The following PGM2L1 variants were observed in gnomAD, a reference collection of about 807,000 sequenced individuals.
PGM2L1 encodes glucose 1,6-bisphosphate synthase.
Under a neutral mutation model 73.4 loss-of-function variants are expected in PGM2L1, and 35 were observed. The ratio of observed to expected loss-of-function variants is 0.48; its 90% CI spans 0.36 to 0.63. PGM2L1 has a LOEUF of 0.63. PGM2L1 is among the 30% of genes least tolerant of loss of function. The probability of loss-of-function intolerance (pLI) is 0.00; values close to 1 mark genes in which losing one functional copy is unlikely to be tolerated. For missense variants in PGM2L1, 570 were observed against 742.0 expected, an observed-to-expected ratio of 0.77 and a Z score of 2.69; for synonymous variants, 225 against 253.8, an observed-to-expected ratio of 0.89 and a Z score of 1.08.
At chr11:74,347,717 A>G (rs1250269710) in intron 6 of PGM2L1, among the ~76,000 whole-genome samples, 2 of 152,166 alleles carry the variant, frequency 1.3e-5, no homozygotes, top group African/African-American at 4.8e-5. Flanking sequence ...TAGATTGCAA[A>G]GTACCTAATT....
intron 1 of PGM2L1, among the ~76,000 whole-genome samples, chr11:74,383,879 T>C (rs1862985243): frequency 6.8e-6 from 1 of 146,272 alleles, no homozygotes; most frequent in African/African-American, 2.6e-5. Context: ...CGATGGGTAT[T>C]TGGGTTGATT....
chr11:74,350,914 AG>A (rs1839916188), intron 6 of PGM2L1, among the ~76,000 whole-genome samples: 4 of 144,758 alleles, frequency 2.8e-5, no homozygotes, highest in African/African-American at 8.6e-5. Context: ...AGAGAGAGAG[AG>A]AGAAAGAGAG....
intron 4 of PGM2L1, among the ~76,000 whole-genome samples, chr11:74,369,272 A>T (rs1862713010): frequency 6.6e-6 from 1 of 152,232 alleles, no homozygotes; most frequent in Non-Finnish European, 1.5e-5. Flanking sequence ...TAATAGACCC[A>T]CATGACAGTG....
intron 1 of PGM2L1, among the ~76,000 whole-genome samples, chr11:74,385,110 C>A (rs1326156738): frequency 6.6e-6 from 1 of 152,188 alleles, no homozygotes; most frequent in Non-Finnish European, 1.5e-5. Context: ...TAAATAACAC[C>A]TTCAAACAGA....
intron 10 of PGM2L1, 139 bp from the exon 11 acceptor site, chr11:74,343,153 G>A (rs1330884728): frequency 3.0e-6 from 4 of 1,327,474 alleles, no homozygotes; most frequent in African/African-American, 3.0e-5. Flanking sequence ...GTATTTAGGG[G>A]ACACTTTCGT....
intron 1 of PGM2L1, among the ~76,000 whole-genome samples, chr11:74,384,660 T>C (rs919236731): frequency 6.6e-6 from 1 of 151,946 alleles, no homozygotes; most frequent in African/African-American, 2.4e-5. Flanking sequence ...AGGAAACTTG[T>C]TGTTGTTGTT....
chr11:74,370,566 TACACACACAC>T (rs199915083), intron 4 of PGM2L1, among the ~76,000 whole-genome samples: 1 of 151,706 alleles, frequency 6.6e-6, no homozygotes, highest in East Asian at 1.9e-4. Context: ...TTTACACACA[TACACACACAC>T]ACACCCAGAT....
chr11:74,361,684 A>G (rs887765083), intron 5 of PGM2L1, among the ~76,000 whole-genome samples: 12 of 152,198 alleles, frequency 7.9e-5, no homozygotes, highest in Admixed American at 7.9e-4. Flanking sequence ...TAGAATAACC[A>G]GGGTAGAGAA....
At chr11:74,351,682 GC>G in intron 5 of PGM2L1, 106 bp from the exon 6 acceptor site, 1 of 1,038,690 alleles carries the variant, frequency 9.6e-7, no homozygotes, top group Non-Finnish European at 1.4e-6. Context: ...TCAAATTGAG[GC>G]CAGGCACGGT....
chr11:74,361,638 TA>T (rs1470679310), intron 5 of PGM2L1, among the ~76,000 whole-genome samples: 6 of 152,026 alleles, frequency 3.9e-5, no homozygotes, highest in Non-Finnish European at 7.4e-5. Flanking sequence ...AAAAAGAAGC[TA>T]AAAACCTTGA....
chr11:74,369,530 A>G (rs1049720859), intron 4 of PGM2L1, among the ~76,000 whole-genome samples: 1 of 152,208 alleles, frequency 6.6e-6, no homozygotes, highest in Non-Finnish European at 1.5e-5. Flanking sequence ...AAGATGTCCC[A>G]GAGGAAGTGA....
chr11:74,346,337 T>C (rs1862266497), intron 8 of PGM2L1, among the ~76,000 whole-genome samples: 1 of 130,118 alleles, frequency 7.7e-6, no homozygotes, highest in Non-Finnish European at 1.6e-5. Context: ...AACTACATCA[T>C]AAAGCGATCT....
chr11:74,371,684 T>G, intron 3 of PGM2L1, 27 bp downstream of exon 3: 1 of 1,572,782 alleles, frequency 6.4e-7, no homozygotes, highest in East Asian at 2.2e-5. Context: ...TATTTCAACT[T>G]AATCTTTGAA....
intron 4 of PGM2L1, among the ~76,000 whole-genome samples, chr11:74,370,693 T>C (rs1862738209): frequency 6.6e-6 from 1 of 152,268 alleles, no homozygotes; most frequent in Non-Finnish European, 1.5e-5. Context: ...ACTGTAGACT[T>C]GTCAACTTTT....
intron 6 of PGM2L1, among the ~76,000 whole-genome samples, chr11:74,350,605 G>A (rs1862334303): frequency 6.6e-6 from 1 of 152,118 alleles, no homozygotes; most frequent in African/African-American, 2.4e-5. Flanking sequence ...GGCTGGGCAT[G>A]GTGGCTCACA....
Position 74,380,084 on chromosome 11 carries a change from T to G in PGM2L1, c.112-5502A>C, listed in dbSNP as rs375405118. On this transcript the variant is annotated intron_variant, in intron 1 of 13. Transcript: ENST00000298198. The stretch of plus-strand genomic sequence containing the variant: ...CTTGTGTCTAAATAATAAATACCAG[T>G]TTTATATAACTACAGAGAAAAACAT... Among the ~76,000 whole-genome samples, 23 of 152,182 alleles carry G rather than the reference T, an allele frequency of 1.5e-4. 2 individuals carry two copies. The highest frequency in any genetic ancestry group is 9.8e-4 in the Admixed American group (15 of 15,286).
intron 1 of PGM2L1, 52 bp from the exon 2 acceptor site, chr11:74,374,634 T>TA (rs1294188165): frequency 1.3e-6 from 2 of 1,529,198 alleles, no homozygotes; most frequent in Non-Finnish European, 1.8e-6. Context: ...AGAGTCCTAA[T>TA]ATTAAGCCCT....
rs529608134 is a variant in PGM2L1 at position 74,361,358 on chromosome 11, T to A, written c.555+7134A>T. ...GGGTCCTGACTATTATAAGGAAAAC[T>A]AACAAACAGAAAGGACATTCACACC... is the stretch of plus-strand genomic sequence containing the variant. On this transcript the variant is annotated intron_variant, in intron 5 of 13. Transcript: ENST00000298198. 1.4e-4 allele frequency among the ~76,000 whole-genome samples: 22 copies of A among 152,158 alleles called. 1 individual carries two copies. In the South Asian group the frequency reaches 4.3e-3, roughly 30 times the overall value.
rs1415143435 is a variant in PGM2L1, at chr11:74,387,812, T to C, written c.111+10239A>G. On this transcript the variant is annotated intron_variant, in intron 1 of 13. Transcript: ENST00000298198. The stretch of plus-strand genomic sequence containing the variant: ...CTTTATTATGAATTACAGTAACACA[T>C]TTCTCTTATTTTAAAAATACTAATA... Among the ~76,000 whole-genome samples, 4 of 152,208 alleles carry C rather than the reference T, an allele frequency of 2.6e-5. No homozygotes were observed. The South Asian group carries it at 6.2e-4, about 24-fold the overall frequency.
Sources: gnomAD v4.1 joint callset for allele counts (sites outside exome capture counted in the v4.1 genomes callset) on GRCh38, gnomAD v4.1.1 for gene constraint, MANE v1.5 for transcripts, NCBI Gene and HGNC (gene_info 2026-07-23, HGNC 2026-07-21) for gene names.